PLCB4: variants seen among roughly 807,000 people sequenced by gnomAD.
PLCB4 encodes the protein 1-phosphatidylinositol 4,5-bisphosphate phosphodiesterase beta-4.
Under a neutral mutation model 178.8 loss-of-function variants are expected in PLCB4, and 77 were observed. The observed-to-expected ratio is 0.43, with a 90% CI of 0.36 to 0.52. The LOEUF is 0.52. Ranked by LOEUF, PLCB4 falls within the 20% of genes least tolerant of loss-of-function variation. The probability of loss-of-function intolerance (pLI) is 0.00; values close to 1 mark genes in which losing one functional copy is unlikely to be tolerated. For synonymous variants in PLCB4, 496 were observed against 490.8 expected (o/e 1.01, Z -0.14); for missense variants, 1,024 against 1,453.4 (o/e 0.70, Z 4.80).
chr20:9,207,631 T>C (rs1181138489), intron 2 of PLCB4, among the ~76,000 whole-genome samples: 9 of 152,032 alleles, frequency 5.9e-5, no homozygotes, highest in Non-Finnish European at 1.2e-4. Context: ...ATGGAAAAGG[T>C]TTTCGGTTAT....
chr20:9,378,818 C>T lies in PLCB4; in HGVS notation c.745-1236C>T, dbSNP rs551070227. Among the ~76,000 whole-genome samples, 12 of 152,206 alleles carry T rather than the reference C, an allele frequency of 7.9e-5. No individual in the cohort carries two copies. The East Asian group carries it at 1.9e-3, about 25-fold the overall frequency. On this transcript the variant is annotated intron_variant, in intron 12 of 39. Transcript: ENST00000378473. ...AGGAGGGGACCCAGAAAAGGCTGGG[C>T]CCCATATGCATGAGGAAATGACATC...
intron 2 of PLCB4, among the ~76,000 whole-genome samples, chr20:9,213,591 T>C (rs1026283450): frequency 6.6e-6 from 1 of 152,244 alleles, no homozygotes; most frequent in South Asian, 2.1e-4. Flanking sequence ...TTGTTTACAA[T>C]TGGGCTATTA....
At chr20:9,092,257 C>T (rs1230109747) in intron 1 of PLCB4, among the ~76,000 whole-genome samples, 1 of 152,134 alleles carries the variant, frequency 6.6e-6, no homozygotes, top group South Asian at 2.1e-4. Flanking sequence ...TTTTTGTCAT[C>T]ATTCCGTTTT....
At chr20:9,475,226 T>C (rs771755881) in intron 38 of PLCB4, among the ~76,000 whole-genome samples, 9 of 152,220 alleles carry the variant, frequency 5.9e-5, no homozygotes, top group Non-Finnish European at 8.8e-5. Context: ...GACTAAAGAA[T>C]GTAAATGTGC....
chr20:9,374,640 A>G (rs1602197694), intron 12 of PLCB4, among the ~76,000 whole-genome samples: 2 of 152,088 alleles, frequency 1.3e-5, no homozygotes, highest in Admixed American at 1.3e-4. Flanking sequence ...CCTCTCTTAA[A>G]CATTACAGAG....
intron 2 of PLCB4, among the ~76,000 whole-genome samples, chr20:9,145,665 T>C (rs2092585209): frequency 6.6e-6 from 1 of 152,138 alleles, no homozygotes; most frequent in South Asian, 2.1e-4. Context: ...ATCTTCCATC[T>C]ATCCATTTAT....
chr20:9,239,397 T>G (rs983028970), intron 3 of PLCB4, among the ~76,000 whole-genome samples: 2 of 152,212 alleles, frequency 1.3e-5, no homozygotes, highest in Non-Finnish European at 2.9e-5. Flanking sequence ...GAAAAAGCAG[T>G]ATCTTTTCCA....
At chr20:9,381,668 C>T (rs759993055) in intron 13 of PLCB4, among the ~76,000 whole-genome samples, 8 of 152,158 alleles carry the variant, frequency 5.3e-5, no homozygotes, top group Non-Finnish European at 1.2e-4. Context: ...GAAATTTTAA[C>T]GTCTGTCATT....
chr20:9,354,561 C>T (rs1244372022), intron 7 of PLCB4, among the ~76,000 whole-genome samples: 1 of 152,194 alleles, frequency 6.6e-6, no homozygotes, highest in African/African-American at 2.4e-5. Context: ...ATGGGCACTT[C>T]CGGTAAATTC....
At chr20:9,437,723 A>C (rs991020787) in intron 30 of PLCB4, among the ~76,000 whole-genome samples, 1 of 152,226 alleles carries the variant, frequency 6.6e-6, no homozygotes, top group Non-Finnish European at 1.5e-5. Context: ...TTCTGGGGTC[A>C]TCCTGAGAAG....
At chr20:9,276,187 A>G (rs1456202567) in intron 3 of PLCB4, among the ~76,000 whole-genome samples, 1 of 152,108 alleles carries the variant, frequency 6.6e-6, no homozygotes, top group African/African-American at 2.4e-5. Context: ...TGCAACTGCC[A>G]CATGTTTTCG....
chr20:9,328,069 T>C (rs900541329), intron 4 of PLCB4, among the ~76,000 whole-genome samples: 2 of 152,146 alleles, frequency 1.3e-5, no homozygotes, highest in South Asian at 2.1e-4. Flanking sequence ...GTGAAATATG[T>C]ACCACCAGAT....
At chr20:9,451,589 A>T (rs2122266507) in intron 32 of PLCB4, among the ~76,000 whole-genome samples, 1 of 152,332 alleles carries the variant, frequency 6.6e-6, no homozygotes, top group East Asian at 1.9e-4. Flanking sequence ...ACATTCAGGG[A>T]TACATCAACA....
At chr20:9,126,725 G>T (rs916877846) in intron 2 of PLCB4, among the ~76,000 whole-genome samples, 1 of 149,858 alleles carries the variant, frequency 6.7e-6, no homozygotes, top group African/African-American at 2.4e-5. Context: ...AGCAGCCTTG[G>T]AAATGCAAGA....
At chr20:9,071,823 C>T (rs978856652) in intron 1 of PLCB4, among the ~76,000 whole-genome samples, 5 of 152,102 alleles carry the variant, frequency 3.3e-5, no homozygotes, top group Non-Finnish European at 7.4e-5. Flanking sequence ...AATTATTTAG[C>T]AGGCTGTGAC....
intron 4 of PLCB4, among the ~76,000 whole-genome samples, chr20:9,310,410 G>A (rs540512004): frequency 8.5e-5 from 13 of 152,108 alleles, no homozygotes; most frequent in Non-Finnish European, 1.6e-4. Context: ...TGTATTCCAT[G>A]TATTTGTTTA....
intron 3 of PLCB4, among the ~76,000 whole-genome samples, chr20:9,251,916 T>C (rs2094185357): frequency 6.6e-6 from 1 of 152,220 alleles, no homozygotes; most frequent in African/African-American, 2.4e-5. Context: ...CATTTCCACA[T>C]GTACCCAATA....
At chr20:9,132,972 G>T (rs927809213) in intron 2 of PLCB4, among the ~76,000 whole-genome samples, 6 of 152,008 alleles carry the variant, frequency 3.9e-5, no homozygotes, top group African/African-American at 1.4e-4. Context: ...CAATGCCCAG[G>T]ACCACCCCCC....
intron 2 of PLCB4, chr20:9,166,570 AT>A (rs1167133506): frequency 2.0e-5 from 3 of 151,892 alleles, no homozygotes; most frequent in Non-Finnish European, 4.4e-5. Flanking sequence ...GCCCCTTCCC[AT>A]TCTGGAAGGG....
Sources: allele counts gnomAD v4.1 joint callset (sites outside exome capture counted in the v4.1 genomes callset), GRCh38; gene constraint gnomAD v4.1.1; transcripts MANE v1.5; gene names NCBI Gene and HGNC (gene_info 2026-07-23, HGNC 2026-07-21).